SPTBN4: variants seen among roughly 807,000 people sequenced by gnomAD.
SPTBN4 encodes spectrin beta, non-erythrocytic 4, also known as spectrin beta chain, non-erythrocytic 4.
A neutral mutation model predicts 277.8 loss-of-function variants in SPTBN4; 96 were observed. The observed-to-expected ratio is 0.35, with a 90% confidence interval of 0.29 to 0.41. The LOEUF (loss-of-function observed/expected upper bound fraction) is 0.41. Among genes scored for constraint, SPTBN4 ranks in the 10% least tolerant of loss-of-function variants. SPTBN4 has a pLI of 1.00. For synonymous variants in SPTBN4, 1,481 were observed against 1,580.3 expected (o/e 0.94, Z 1.49); for missense variants, 3,006 against 3,595.7 (o/e 0.84, Z 4.19).
chr19:40,545,975 A>G (rs1466562825), intron 20 of SPTBN4, among the ~76,000 whole-genome samples: 2 of 151,506 alleles, frequency 1.3e-5, no homozygotes, highest in Non-Finnish European at 2.9e-5. Flanking sequence ...CCCAGGAGGC[A>G]GAGCTTGGAG....
chr19:40,535,825 T>G (rs2080729139), intron 20 of SPTBN4, among the ~76,000 whole-genome samples: 1 of 151,960 alleles, frequency 6.6e-6, no homozygotes, highest in Non-Finnish European at 1.5e-5. Flanking sequence ...TAATCCTAGC[T>G]ACTCAGGAGG....
intron 6 of SPTBN4, among the ~76,000 whole-genome samples, chr19:40,495,965 G>A (rs1386862063): frequency 2.0e-5 from 3 of 152,002 alleles, no homozygotes; most frequent in African/African-American, 7.3e-5. Context: ...ACACACATGG[G>A]GAGACCCAGA....
chr19:40,497,212 C>T (rs2080209199), intron 6 of SPTBN4, among the ~76,000 whole-genome samples: 1 of 152,146 alleles, frequency 6.6e-6, no homozygotes, highest in Non-Finnish European at 1.5e-5. Flanking sequence ...TCCAAGCACA[C>T]TCAGGCTGGC....
At chr19:40,474,567 C>A (rs1366043943) in intron 2 of SPTBN4, among the ~76,000 whole-genome samples, 1 of 151,744 alleles carries the variant, frequency 6.6e-6, no homozygotes, top group Non-Finnish European at 1.5e-5. Context: ...ATAGCTGGAA[C>A]TACAGGCATG....
chr19:40,523,590 A>G lies in SPTBN4; in HGVS notation c.3808A>G (p.Asn1270Asp), dbSNP rs2145882646. 1 of 1,614,126 alleles carries G rather than the reference A, an allele frequency of 6.2e-7. No homozygotes were observed. The highest frequency in any genetic ancestry group is 2.2e-5 in the East Asian group (1 of 44,878). Residue 1270 changes from asparagine (N) to aspartate (D), a missense_variant, in exon 17 of 36, where the codon AAC becomes GAC. Around this residue, in one of 5 missense-constraint regions of SPTBN4, gnomAD observed 1,759 missense variants for 2,061.5 expected, o/e 0.85. Transcript: ENST00000598249. ...TGCAGAGGGCCTGCTGAGGCAGGGCAACATCTACGGGGAGCAGGCTCAGGA... is the reference window on the plus strand; with the variant it reads ...TGCAGAGGGCCTGCTGAGGCAGGGCGACATCTACGGGGAGCAGGCTCAGGA... ...QAAEGLLRQGNIYGEQAQEAV... is the reference protein window; with the variant it reads ...QAAEGLLRQGDIYGEQAQEAV...
chr19:40,504,252 G>T (rs1029652915), intron 12 of SPTBN4, 120 bp downstream of exon 12: 11 of 1,087,624 alleles, frequency 1.0e-5, no homozygotes, highest in Non-Finnish European at 1.4e-5. Flanking sequence ...GAAGAAGATA[G>T]AGAGAAAGCC....
At chr19:40,546,620 A>C (rs2080862943) in intron 20 of SPTBN4, among the ~76,000 whole-genome samples, 1 of 152,180 alleles carries the variant, frequency 6.6e-6, no homozygotes, top group Admixed American at 6.5e-5. Context: ...ACGTGAGAAT[A>C]GTTTGAGTCC....
chr19:40,574,886 G>A (rs1269438308), intron 35 of SPTBN4, among the ~76,000 whole-genome samples: 4 of 151,796 alleles, frequency 2.6e-5, no homozygotes, highest in Admixed American at 6.6e-5. Context: ...ATGGTGGCAC[G>A]TGCCTGTAGT....
rs558989237 is a variant in SPTBN4, at chr19:40,552,660, T to C, written c.4675-1487T>C. ...TGGGGAGGTGGGTCTACAGATTATT[T>C]TGGAAGCTTCCTGATCATTCTGCAG... On this transcript the variant is annotated intron_variant, in intron 22 of 35. Transcript: ENST00000598249. Among the ~76,000 whole-genome samples the C allele has an allele frequency of 2.4e-4, 37 of 152,212 alleles. 1 individual carries two copies. In the South Asian group the frequency reaches 7.1e-3, roughly 29 times the overall value.
At chr19:40,497,635 C>T (rs1265487270) in intron 7 of SPTBN4, 31 bp downstream of exon 7, 3 of 1,574,062 alleles carry the variant, frequency 1.9e-6, no homozygotes, top group East Asian at 2.2e-5. Flanking sequence ...GCCCAGACTT[C>T]GTCTTGGGGG....
intron 3 of SPTBN4, 29 bp downstream of exon 3, chr19:40,487,877 G>T: frequency 6.4e-7 from 1 of 1,566,066 alleles, no homozygotes; most frequent in Non-Finnish European, 8.6e-7. Flanking sequence ...CTGGGGCAGG[G>T]GTCCTCCCTG....
At chr19:40,528,164 T>C (rs1599768042) in intron 17 of SPTBN4, among the ~76,000 whole-genome samples, 1 of 150,132 alleles carries the variant, frequency 6.7e-6, no homozygotes, top group Non-Finnish European at 1.5e-5. Context: ...TCTCTCTCTC[T>C]CCCTGGGGGA....
chr19:40,534,027 C>A, intron 19 of SPTBN4, 53 bp from the exon 20 acceptor site: 1 of 1,536,980 alleles, frequency 6.5e-7, no homozygotes. Context: ...CTCTGATTCT[C>A]CCCACCATCT....
intron 15 of SPTBN4, among the ~76,000 whole-genome samples, chr19:40,516,034 C>CATATATATGTATATATATATACACACT (rs1568798752): frequency 3.5e-5 from 5 of 142,272 alleles, no homozygotes; most frequent in East Asian, 4.0e-4. Context: ...TATATATACA[C>CATATATATGTATATATATATACACACT]ATATATATGT....
In SPTBN4 at chr19:40,554,668, T is replaced by C; in HGVS notation, c.5084+22T>C. On this transcript the variant is annotated intron_variant, in intron 24 of 35. Transcript: ENST00000598249. This position sits in a 1 kb window ranked among gnomAD's most constrained non-coding sequence, Gnocchi z 5.7. ...ACAGGTGGGCGGGCGCGTGGCCAGT[T>C]CACAGGAATGGTCCAGCAGGACCTG... is the stretch of plus-strand genomic sequence containing the variant. 1 of 1,593,702 alleles carries C rather than the reference T, an allele frequency of 6.3e-7. No homozygotes were observed. The highest frequency in any genetic ancestry group is 1.1e-5 in the South Asian group (1 of 87,388).
At chr19:40,558,187 G>A (rs767965418) in intron 26 of SPTBN4, among the ~76,000 whole-genome samples, 6 of 151,056 alleles carry the variant, frequency 4.0e-5, no homozygotes, top group Admixed American at 1.3e-4. Context: ...ATGAAACCCC[G>A]TCTCTACTAA....
Position 40,554,595 on chromosome 19 carries a change from C to T in SPTBN4, c.5033C>T (p.Ala1678Val). The T allele has an allele frequency of 6.4e-7, 1 of 1,555,130 alleles. No individual in the cohort carries two copies. The highest frequency in any genetic ancestry group is 8.7e-7 in the Non-Finnish European group (1 of 1,150,252). The change falls in exon 24 of 36, where the codon GCG becomes GTG. Residue 1678 changes from alanine to valine, a missense_variant. By Grantham distance (64) the Ala-to-Val change is moderately conservative. Coordinates refer to ENST00000598249, the MANE Select transcript of SPTBN4 (RefSeq NM_020971.3). The surrounding 1 kb of genome is among the most constrained non-coding windows in gnomAD (Gnocchi z 5.7). Reference sequence around the variant, plus strand: ...GTGGAGAACTACGAGGAAAGCATCGCGCAGCTGTCGCGCCAGTGCCGGGCG... The same window carrying T: ...GTGGAGAACTACGAGGAAAGCATCGTGCAGCTGTCGCGCCAGTGCCGGGCG... ...QGVENYEESI[A>V]QLSRQCRALL...
Position 40,569,651 on chromosome 19 carries a change from C to G in SPTBN4, c.6957-6C>G. 1 of 1,612,316 alleles carries G rather than the reference C, an allele frequency of 6.2e-7. No homozygotes were observed. The highest frequency in any genetic ancestry group is 8.5e-7 in the Non-Finnish European group (1 of 1,179,350). ...TCACTGGGTCTTTCTGTCCCCCATCCCCCAGGAAGGCCACCCTGGCTGACA... is the reference window on the plus strand; with the variant it reads ...TCACTGGGTCTTTCTGTCCCCCATCGCCCAGGAAGGCCACCCTGGCTGACA... On this transcript the variant is annotated splice_region_variant and splice_polypyrimidine_tract_variant and intron_variant, in intron 31 of 35. Transcript: ENST00000598249.
chr19:40,493,491 C>G (rs2080161001), intron 5 of SPTBN4, among the ~76,000 whole-genome samples: 1 of 152,136 alleles, frequency 6.6e-6, no homozygotes, highest in Admixed American at 6.5e-5. Flanking sequence ...TGAGATCAGC[C>G]TAGGCAACAT....
Sources: allele counts gnomAD v4.1 joint callset (sites outside exome capture counted in the v4.1 genomes callset), GRCh38; gene constraint gnomAD v4.1.1; regional missense constraint gnomAD v4.1.1; non-coding constraint Gnocchi (gnomAD v3.1); transcripts MANE v1.5; gene names NCBI Gene and HGNC (gene_info 2026-07-23, HGNC 2026-07-21).